Variants in ARHGEF10 observed in about 807,000 individuals in gnomAD.
The protein encoded by ARHGEF10 is Rho guanine nucleotide exchange factor (GEF) 10.
A neutral mutation model predicts 147.4 loss-of-function variants in ARHGEF10; 140 were observed. That is an observed-to-expected ratio of 0.95 (90% CI 0.83 to 1.09). The LOEUF is 1.09. Among genes scored for constraint, ARHGEF10 ranks in the 50% least tolerant of loss-of-function variants. The pLI, the probability that ARHGEF10 is intolerant of heterozygous loss-of-function variation, is 0.00. For synonymous variants in ARHGEF10, 902 were observed against 695.8 expected (o/e 1.30, Z -4.67); for missense variants, 2,222 against 1,752.7 (o/e 1.27, Z -4.78).
At chr8:1,849,377 C>G (rs1374170320) in intron 2 of ARHGEF10, among the ~76,000 whole-genome samples, 1 of 148,600 alleles carries the variant, frequency 6.7e-6, no homozygotes, top group Admixed American at 6.7e-5. Flanking sequence ...CACGTGGACA[C>G]AGAAGGCAAA....
At chr8:1,915,565 C>T (rs1484721505) in intron 18 of ARHGEF10, among the ~76,000 whole-genome samples, 3 of 152,248 alleles carry the variant, frequency 2.0e-5, no homozygotes, top group East Asian at 1.9e-4. Context: ...ATCACACGTG[C>T]TTTCAGGACA....
intron 28 of ARHGEF10, among the ~76,000 whole-genome samples, chr8:1,954,979 C>G (rs1204540417): frequency 3.4e-5 from 5 of 148,746 alleles, no homozygotes; most frequent in African/African-American, 7.5e-5. Context: ...GAGGTGCACT[C>G]TCACTGTTCC....
At chr8:1,905,525 C>T (rs755922126) in intron 16 of ARHGEF10, 46 bp from the exon 17 acceptor site, 23 of 1,613,184 alleles carry the variant, frequency 1.4e-5, no homozygotes, top group African/African-American at 5.3e-5. Flanking sequence ...TTTTCTTTTC[C>T]GGGTAAACTG....
intron 15 of ARHGEF10, among the ~76,000 whole-genome samples, chr8:1,901,444 G>A (rs372882970): frequency 2.0e-5 from 3 of 152,174 alleles, no homozygotes; most frequent in African/African-American, 7.2e-5. Context: ...GCTCACCCTG[G>A]CTATGCTGGT....
intron 1 of ARHGEF10, among the ~76,000 whole-genome samples, chr8:1,838,405 TGAA>T (rs1203868423): frequency 1.3e-5 from 2 of 151,420 alleles, no homozygotes; most frequent in African/African-American, 4.9e-5. Flanking sequence ...GGCTGACGAA[TGAA>T]GGAGTCTTCT....
At chr8:1,954,465 C>A (rs1186039272) in intron 28 of ARHGEF10, among the ~76,000 whole-genome samples, 1 of 123,248 alleles carries the variant, frequency 8.1e-6, no homozygotes, top group African/African-American at 3.1e-5. Flanking sequence ...TGCAAATATT[C>A]CAACATTAAA....
At chr8:1,830,135 T>C (rs1051368178) in intron 1 of ARHGEF10, among the ~76,000 whole-genome samples, 2 of 152,208 alleles carry the variant, frequency 1.3e-5, no homozygotes, top group African/African-American at 4.8e-5. Context: ...GGGCAAGGAC[T>C]CCTGGTGACA....
rs568856436 is a variant in ARHGEF10 at position 1,885,927 on chromosome 8, G to A, written c.1182+220G>A. ...GTCAGCAGCTGTGGCCTGGACTCAG[G>A]CCCTTCTGGTCCTTAAATATTTTGG... On this transcript the variant is annotated intron_variant, in intron 11 of 28. Coordinates refer to ENST00000349830, the MANE Select transcript of ARHGEF10 (RefSeq NM_014629.4). 2.0e-5 allele frequency among the ~76,000 whole-genome samples: 3 copies of A among 152,294 alleles called. 1 individual carries two copies. In the South Asian group the frequency reaches 6.2e-4, roughly 32 times the overall value.
At chr8:1,944,857 G>C (rs573174366) in intron 26 of ARHGEF10, among the ~76,000 whole-genome samples, 1 of 152,246 alleles carries the variant, frequency 6.6e-6, no homozygotes, top group Non-Finnish European at 1.5e-5. Flanking sequence ...GGCCATGTTG[G>C]GGGGTCGCTG....
rs766605407 is a variant in ARHGEF10, at chr8:1,925,263, C to T, written c.2489-20C>T. ...GAGTTAACTGCATTCTTGCTCATTT[C>T]TCTCTGAATATAATTGCAGAAGAGG... On this transcript the variant is annotated intron_variant, in intron 21 of 28. Coordinates refer to ENST00000349830, the MANE Select transcript of ARHGEF10 (RefSeq NM_014629.4). The T allele has an allele frequency of 6.2e-7, 1 of 1,613,994 alleles. No homozygotes were observed. The highest frequency in any genetic ancestry group is 8.5e-7 in the Non-Finnish European group (1 of 1,180,006).
intron 17 of ARHGEF10, among the ~76,000 whole-genome samples, chr8:1,906,380 A>G (rs1457355959): frequency 6.6e-6 from 1 of 152,314 alleles, no homozygotes; most frequent in African/African-American, 2.4e-5. Flanking sequence ...TCCAGTTGCT[A>G]AACATTTGGT....
chr8:1,957,737 T>G lies in ARHGEF10; in HGVS notation c.*474T>G, dbSNP rs1815694773. 6.1e-6 allele frequency: 1 copy of G among 163,328 alleles called. No individual in the cohort carries two copies. Among genetic ancestry groups the G allele is most frequent in the Non-Finnish European group, 1.3e-5 (1 of 74,816 alleles). 10.1% of individuals were successfully genotyped at this position (163,328 alleles called of 1,614,324 possible). ...GACTTTTATTTATATTCTATATTTT[T>G]GAATTTCAGAGTAAAATTTGTTAAC... On this transcript the variant is annotated 3_prime_UTR_variant, in exon 29 of 29. Transcript: ENST00000349830.
intron 5 of ARHGEF10, among the ~76,000 whole-genome samples, chr8:1,866,261 C>T (rs1011816969): frequency 1.1e-4 from 16 of 152,182 alleles, no homozygotes; most frequent in Admixed American, 8.5e-4. Context: ...GACCGTATTG[C>T]GGCTGTATTG....
At chr8:1,930,396 G>A (rs2129228018) in intron 25 of ARHGEF10, among the ~76,000 whole-genome samples, 1 of 152,246 alleles carries the variant, frequency 6.6e-6, no homozygotes. Context: ...CGCCTGGATG[G>A]CAGCGTAGCC....
chr8:1,885,961 C>T lies in ARHGEF10; in HGVS notation c.1182+254C>T, dbSNP rs374124540. ...GTCCTTAAATATTTTGGACAGCACCCCTGCCCCTGAGTGTAGCTGTGAGAA... is the reference window on the plus strand; with the variant it reads ...GTCCTTAAATATTTTGGACAGCACCTCTGCCCCTGAGTGTAGCTGTGAGAA... On this transcript the variant is annotated intron_variant, in intron 11 of 28. Coordinates refer to ENST00000349830, the MANE Select transcript of ARHGEF10 (RefSeq NM_014629.4). Among the ~76,000 whole-genome samples the T allele has an allele frequency of 7.9e-4, 120 of 152,198 alleles. 1 individual carries two copies. Among genetic ancestry groups the T allele is most frequent in the African/African-American group, 2.7e-3 (112 of 41,528 alleles).
intron 13 of ARHGEF10, among the ~76,000 whole-genome samples, chr8:1,895,079 G>T (rs73542949): frequency 1.3e-5 from 2 of 152,226 alleles, no homozygotes; most frequent in African/African-American, 2.4e-5. Context: ...AGCTTCTGTT[G>T]TGTAGATACA....
intron 14 of ARHGEF10, among the ~76,000 whole-genome samples, chr8:1,898,110 G>A (rs1810157250): frequency 6.6e-6 from 1 of 152,166 alleles, no homozygotes; most frequent in African/African-American, 2.4e-5. Flanking sequence ...GAGGTTGCCA[G>A]CCTTTTCTGG....
chr8:1,861,771 G>T (rs1426800284), intron 4 of ARHGEF10, among the ~76,000 whole-genome samples: 3 of 152,156 alleles, frequency 2.0e-5, no homozygotes, highest in Non-Finnish European at 2.9e-5. Flanking sequence ...CATGATCCAC[G>T]CTGCTGTTGT....
chr8:1,929,452 G>A lies in ARHGEF10; in HGVS notation c.3079+9G>A. ...CTACGCCAGAGCCCCAGGTGAGGCG[G>A]GTCTCACGGCCTCCTGGCCGGTCCT... On this transcript the variant is annotated intron_variant, in intron 25 of 28. Transcript: ENST00000349830. The A allele has an allele frequency of 6.2e-7, 1 of 1,601,376 alleles. No homozygotes were observed. Among genetic ancestry groups the A allele is most frequent in the Admixed American group, 1.7e-5 (1 of 58,620 alleles).
Sources: allele counts gnomAD v4.1 joint callset (sites outside exome capture counted in the v4.1 genomes callset), GRCh38; gene constraint gnomAD v4.1.1; transcripts MANE v1.5; gene names NCBI Gene and HGNC (gene_info 2026-07-23, HGNC 2026-07-21).